Variants in TPRG1 observed in about 807,000 individuals in gnomAD.
TPRG1 encodes tumor protein p63-regulated gene 1 protein.
A neutral mutation model predicts 29.3 loss-of-function variants in TPRG1; 29 were observed. The observed-to-expected ratio is 0.99, with a 90% CI of 0.74 to 1.35. The LOEUF (loss-of-function observed/expected upper bound fraction) is 1.35. TPRG1 is among the 40% of genes most tolerant of loss of function. The pLI is 0.00. For synonymous variants in TPRG1, 130 were observed against 116.8 expected (o/e 1.11, Z -0.73); for missense variants, 327 against 335.0 (o/e 0.98, Z 0.19).
intron 4 of TPRG1, 133 bp downstream of exon 4, chr3:189,239,042 A>G: frequency 1.4e-6 from 1 of 698,866 alleles, no homozygotes; most frequent in Non-Finnish European, 2.3e-6. Flanking sequence ...GAAAGTTGAA[A>G]TCATTAAACT....
intron 1 of TPRG1, among the ~76,000 whole-genome samples, chr3:189,196,051 G>T (rs931945153): frequency 6.6e-5 from 10 of 152,260 alleles, no homozygotes; most frequent in Admixed American, 2.0e-4. Context: ...GGTTTCTTTT[G>T]CTTCATAGGC....
At chr3:189,107,745 A>G (rs1719995681) in intron 1 of TPRG1, among the ~76,000 whole-genome samples, 1 of 152,212 alleles carries the variant, frequency 6.6e-6, no homozygotes, top group Non-Finnish European at 1.5e-5. Context: ...AAATTGATAC[A>G]TAATTTTAAA....
chr3:189,182,688 A>G lies in TPRG1; in HGVS notation c.-10+10557A>G, dbSNP rs76515356. Among the ~76,000 whole-genome samples, 1,082 of 152,324 alleles carry G rather than the reference A, an allele frequency of 7.1e-3. 14 individuals are homozygous for G. The highest frequency in any genetic ancestry group is 0.025 in the African/African-American group (1,022 of 41,564). On this transcript the variant is annotated intron_variant, in intron 1 of 5. Coordinates refer to ENST00000345063, the MANE Select transcript of TPRG1 (RefSeq NM_198485.4). The stretch of plus-strand genomic sequence containing the variant: ...GAACCCTCAGTGCATAGTCATTATA[A>G]AAGTACGTAAAAAGGGAGCAACATG...
intron 1 of TPRG1, among the ~76,000 whole-genome samples, chr3:189,113,715 C>A (rs1720826278): frequency 6.9e-6 from 1 of 144,886 alleles, no homozygotes; most frequent in African/African-American, 2.6e-5. Context: ...GGGAATTGAA[C>A]AATGAGAACA....
At chr3:189,259,883 T>G (rs1163886053) in intron 4 of TPRG1, among the ~76,000 whole-genome samples, 1 of 152,194 alleles carries the variant, frequency 6.6e-6, no homozygotes, top group Non-Finnish European at 1.5e-5. Flanking sequence ...AAACATGAAA[T>G]TCTCTGATTT....
At position 189,227,404 on chromosome 3, in the gene TPRG1, C is replaced by A. The variant is rs138372560; in HGVS notation, c.303-11329C>A. On this transcript the variant is annotated intron_variant, in intron 3 of 5. Coordinates refer to ENST00000345063, the MANE Select transcript of TPRG1 (RefSeq NM_198485.4). ...GTACAGGGAGGGCCACGGCAGCTGC[C>A]CTTCTGTCCCTGGCACAGGGCTTTG... Among the ~76,000 whole-genome samples the A allele has an allele frequency of 6.6e-5, 10 of 152,270 alleles. No homozygotes were observed. In the East Asian group the frequency reaches 9.7e-4, roughly 15 times the overall value.
At chr3:189,209,181 A>G (rs1734872032) in intron 2 of TPRG1, among the ~76,000 whole-genome samples, 1 of 152,208 alleles carries the variant, frequency 6.6e-6, no homozygotes, top group Admixed American at 6.5e-5. Context: ...AGTCTTAGAA[A>G]AAAAGCCTGA....
At chr3:189,219,478 C>T in intron 3 of TPRG1, 3 of 675,652 alleles carry the variant, frequency 4.4e-6, no homozygotes, top group Non-Finnish European at 6.2e-6. Flanking sequence ...TGTTTATTTC[C>T]ACCTTGCAGT....
chr3:189,003,599 T>C (rs1300231722), intron 2 of TPRG1, among the ~76,000 whole-genome samples: 1 of 152,156 alleles, frequency 6.6e-6, no homozygotes, highest in Non-Finnish European at 1.5e-5. Context: ...TGTATATTGA[T>C]TGACTTCAAA....
At chr3:189,254,531 A>T (rs565429208) in intron 4 of TPRG1, among the ~76,000 whole-genome samples, 2 of 152,244 alleles carry the variant, frequency 1.3e-5, no homozygotes, top group South Asian at 4.1e-4. Flanking sequence ...TATGAAACTT[A>T]ATGTATTTTT....
chr3:189,078,101 C>CTTTCTTTCTT, intron 4 of TPRG1, among the ~76,000 whole-genome samples: 1 of 124,454 alleles, frequency 8.0e-6, no homozygotes, highest in South Asian at 3.0e-4. Context: ...CTCTTTCTTT[C>CTTTCTTTCTT]TTTCTTTCTT....
intron 1 of TPRG1, among the ~76,000 whole-genome samples, chr3:189,206,807 C>CTGTGTGTGTGTG (rs1560551111): frequency 0.038 from 2,324 of 60,574 alleles, 66 homozygotes; most frequent in African/African-American, 0.22. Context: ...AGCTGAACAA[C>CTGTGTGTGTGTG]CGTGTGTGTG....
chr3:189,038,582 C>T (rs575943960), intron 4 of TPRG1, among the ~76,000 whole-genome samples: 10 of 151,936 alleles, frequency 6.6e-5, no homozygotes, highest in Admixed American at 5.9e-4. Flanking sequence ...TGGAACAATA[C>T]TCCCAAAATT....
intron 2 of TPRG1, among the ~76,000 whole-genome samples, chr3:189,004,080 C>T (rs776664618): frequency 1.3e-5 from 2 of 152,012 alleles, no homozygotes; most frequent in Admixed American, 6.6e-5. Context: ...CCAAAAAAGA[C>T]AAAATGTTTG....
At chr3:189,147,375 T>C (rs1048578779) in intron 3 of TPRG1, among the ~76,000 whole-genome samples, 3 of 152,196 alleles carry the variant, frequency 2.0e-5, no homozygotes, top group African/African-American at 7.2e-5. Context: ...TGGATGCAGG[T>C]GGATATGGCA....
In TPRG1 at chr3:189,133,607, A is replaced by G. The variant is rs371308982; in HGVS notation, c.-291+910A>G. Among the ~76,000 whole-genome samples the G allele has an allele frequency of 2.0e-5, 3 of 152,264 alleles. No homozygotes were observed. The East Asian group carries it at 5.8e-4, about 29-fold the overall frequency. On this transcript the variant is annotated intron_variant, in intron 3 of 6. Transcript: ENST00000412373. The stretch of plus-strand genomic sequence containing the variant: ...GAAGGTCCTTGCTTTCTCCTCTGCC[A>G]TGATTGTGAGTTCCCTGAGGCCTCT...
At chr3:189,055,301 C>A (rs898818460) in intron 4 of TPRG1, among the ~76,000 whole-genome samples, 3 of 152,120 alleles carry the variant, frequency 2.0e-5, no homozygotes, top group Admixed American at 6.5e-5. Context: ...CAGAAGCAGA[C>A]CCTGAGGCAA....
chr3:189,314,116 G>T (rs1459806081), intron 5 of TPRG1, among the ~76,000 whole-genome samples: 2 of 152,190 alleles, frequency 1.3e-5, no homozygotes, highest in African/African-American at 4.8e-5. Flanking sequence ...TCAGGATTGG[G>T]TAGATGGTGA....
At chr3:189,008,628 T>C (rs1712435805) in intron 3 of TPRG1, among the ~76,000 whole-genome samples, 1 of 152,130 alleles carries the variant, frequency 6.6e-6, no homozygotes, top group Non-Finnish European at 1.5e-5. Flanking sequence ...TTTTTTACTG[T>C]CTTTCTTGGA....
Sources: allele counts gnomAD v4.1 joint callset (sites outside exome capture counted in the v4.1 genomes callset), GRCh38; gene constraint gnomAD v4.1.1; transcripts MANE v1.5; gene names NCBI Gene and HGNC (gene_info 2026-07-23, HGNC 2026-07-21).